SPRY3: variants seen among roughly 807,000 people sequenced by gnomAD.
SPRY3 encodes the protein protein sprouty homolog 3.
In SPRY3, 15 loss-of-function variants were observed where a neutral mutation model predicts 20.2. The observed-to-expected ratio is 0.74, with a 90% CI of 0.50 to 1.14. The LOEUF is 1.14. Among genes scored for constraint, SPRY3 ranks in the 50% most tolerant of loss-of-function variants. SPRY3 has a pLI of 0.00. For missense variants in SPRY3, 364 were observed against 363.9 expected, an observed-to-expected ratio of 1.00 and a Z score of 0.00; for synonymous variants, 143 against 136.5, an observed-to-expected ratio of 1.05 and a Z score of -0.33.
At chrX:155,780,730 AT>A (rs1569405279), downstream of SPRY3, 3 of 166,882 alleles carry the variant, frequency 1.8e-5, no homozygotes, top group Non-Finnish European at 4.4e-5. Context: ...TTACTCGTGA[AT>A]TTTTTTCTTA....
chrX:155,714,521 T>A (rs1445535171), intron 2 of SPRY3, among the ~76,000 whole-genome samples: 1 of 152,122 alleles, frequency 6.6e-6, no homozygotes, highest in African/African-American at 2.4e-5. Flanking sequence ...ACATATGGCA[T>A]CTCTTTTTCT....
chrX:155,756,481 G>A (rs2091283825), intron 2 of SPRY3, among the ~76,000 whole-genome samples: 1 of 152,088 alleles, frequency 6.6e-6, no homozygotes, highest in Non-Finnish European at 1.5e-5. Flanking sequence ...AAGTATGACA[G>A]GCCATATATA....
chrX:155,631,546 A>G (rs782359549), intron 1 of SPRY3, among the ~76,000 whole-genome samples: 87 of 112,354 alleles, frequency 7.7e-4, no homozygotes, highest in African/African-American at 2.7e-3. Context: ...GGGCTGGACT[A>G]ATTTACATTC....
At chrX:155,644,991 T>C (rs1272565114) in intron 1 of SPRY3, among the ~76,000 whole-genome samples, 1 of 110,210 alleles carries the variant, frequency 9.1e-6, no homozygotes, top group African/African-American at 3.3e-5. Flanking sequence ...CCAATGCCCA[T>C]ATACTACCTA....
intron 2 of SPRY3, among the ~76,000 whole-genome samples, chrX:155,741,613 G>A (rs1458052627): frequency 6.6e-6 from 1 of 152,058 alleles, no homozygotes; most frequent in East Asian, 1.9e-4. Context: ...AGAAAGGCCA[G>A]GTCACCTACA....
chrX:155,776,596 G>A (rs888690633), exon 4 of SPRY3: 6 of 167,034 alleles, frequency 3.6e-5, no homozygotes, highest in African/African-American at 9.7e-5. Flanking sequence ...ATTCACTGAC[G>A]AATTCAGAGA....
intron 1 of SPRY3, among the ~76,000 whole-genome samples, chrX:155,633,953 C>T (rs782661558): frequency 3.6e-5 from 4 of 111,180 alleles, no homozygotes; most frequent in African/African-American, 1.3e-4. Flanking sequence ...TGGTGGCATG[C>T]GCCCGTAGTT....
chrX:155,627,658 T>A (rs1460793852), intron 1 of SPRY3, among the ~76,000 whole-genome samples: 6 of 111,439 alleles, frequency 5.4e-5, no homozygotes, highest in East Asian at 5.6e-4. Context: ...TTAATTTTTT[T>A]AATTTAATTT....
chrX:155,754,802 A>AT (rs951409800), intron 2 of SPRY3, among the ~76,000 whole-genome samples: 1 of 151,788 alleles, frequency 6.6e-6, no homozygotes, highest in East Asian at 1.9e-4. Context: ...TATGTCTTGT[A>AT]TTTTTTTGTT....
At chrX:155,704,396 A>T (rs1052654192) in intron 2 of SPRY3, among the ~76,000 whole-genome samples, 2 of 151,792 alleles carry the variant, frequency 1.3e-5, no homozygotes, top group Non-Finnish European at 2.9e-5. Context: ...GGCCCAACAG[A>T]ACTGACACCT....
At chrX:155,720,055 G>A (rs555165345) in intron 2 of SPRY3, among the ~76,000 whole-genome samples, 16 of 152,236 alleles carry the variant, frequency 1.1e-4, no homozygotes, top group African/African-American at 3.9e-4. Flanking sequence ...CTGGGTCAGA[G>A]GGGAGCCCAT....
chrX:155,739,422 G>A (rs2091190877), intron 2 of SPRY3, among the ~76,000 whole-genome samples: 2 of 152,230 alleles, frequency 1.3e-5, no homozygotes, highest in Non-Finnish European at 2.9e-5. Context: ...CGAGGTGGAA[G>A]GATTCCCCCT....
In SPRY3 at chrX:155,751,983, T is replaced by TAAAATAAAAG. The variant is rs1444866727; in HGVS notation, c.-281-15976_-281-15975insATAAAAGAAA. Among the ~76,000 whole-genome samples the TAAAATAAAAG allele has an allele frequency of 3.9e-5, 5 of 127,682 alleles. 1 individual carries two copies. The highest frequency in any genetic ancestry group is 3.9e-3 in the Middle Eastern group (1 of 256). The allele number at this position is 127,682 out of a possible 152,430, so 83.8% of individuals were successfully genotyped here. ...TAAAATAAAATAAAATAAAATAAAA[T>TAAAATAAAAG]AAAGGAAAGGAAAAGGAAAGGAGGG... On this transcript the variant is annotated intron_variant, in intron 2 of 3. Coordinates refer to ENST00000675360, the Ensembl canonical transcript of SPRY3.
chrX:155,750,104 A>T (rs2091253791), intron 2 of SPRY3, among the ~76,000 whole-genome samples: 1 of 151,902 alleles, frequency 6.6e-6, no homozygotes, highest in African/African-American at 2.4e-5. Flanking sequence ...AGTCATAAAA[A>T]AGAGTGAAAT....
At chrX:155,692,334 G>A (rs938977873) in intron 2 of SPRY3, among the ~76,000 whole-genome samples, 2 of 110,956 alleles carry the variant, frequency 1.8e-5, no homozygotes, top group African/African-American at 3.3e-5. Flanking sequence ...TTGAATTGCC[G>A]TTGAATCTTT....
intron 2 of SPRY3, among the ~76,000 whole-genome samples, chrX:155,710,525 T>A (rs1355496724): frequency 6.6e-6 from 1 of 151,840 alleles, no homozygotes; most frequent in African/African-American, 2.4e-5. Flanking sequence ...CCTGCAATGT[T>A]ACTGAATGTG....
chrX:155,754,680 G>A (rs1458120317), intron 2 of SPRY3, among the ~76,000 whole-genome samples: 5 of 151,968 alleles, frequency 3.3e-5, no homozygotes, highest in African/African-American at 4.8e-5. Context: ...TCACTTTGGA[G>A]AGTATTTCTA....
At chrX:155,737,673 G>A (rs2091177859) in intron 2 of SPRY3, among the ~76,000 whole-genome samples, 1 of 152,148 alleles carries the variant, frequency 6.6e-6, no homozygotes, top group Non-Finnish European at 1.5e-5. Context: ...GAAGTTCACT[G>A]TGGCTGGATT....
At chrX:155,674,046 C>T (rs140942549) in intron 2 of SPRY3, among the ~76,000 whole-genome samples, 58 of 112,003 alleles carry the variant, frequency 5.2e-4, no homozygotes, top group East Asian at 5.1e-3. Flanking sequence ...CTGACATTAA[C>T]TTGGAAAATT....
Sources: gnomAD v4.1 joint callset for allele counts (sites outside exome capture counted in the v4.1 genomes callset) on GRCh38, gnomAD v4.1.1 for gene constraint, MANE v1.5 for transcripts, NCBI Gene and HGNC (gene_info 2026-07-23, HGNC 2026-07-21) for gene names.